ZDHHC2: variants seen among roughly 807,000 people sequenced by gnomAD.
The protein encoded by ZDHHC2 is palmitoyltransferase ZDHHC2.
Under a neutral mutation model 55.6 loss-of-function variants are expected in ZDHHC2, and 51 were observed. The ratio of observed to expected loss-of-function variants is 0.92; its 90% CI spans 0.73 to 1.16. The LOEUF is 1.16. Among genes scored for constraint, ZDHHC2 ranks in the 50% most tolerant of loss-of-function variants. The pLI is 0.00. For synonymous variants in ZDHHC2, 199 were observed against 152.9 expected (o/e 1.30, Z -2.22); for missense variants, 491 against 442.4 (o/e 1.11, Z -0.99).
Position 17,156,868 on chromosome 8 carries a change from C to T in ZDHHC2, c.130+15C>T, listed in dbSNP as rs1192085883. Reference sequence around the variant, plus strand: ...GCTGTGCATAGGTGAGTGCGCCCCCCGCCGCGGCGCCCCCAGCGCAGCGCA... The same window carrying T: ...GCTGTGCATAGGTGAGTGCGCCCCCTGCCGCGGCGCCCCCAGCGCAGCGCA... On this transcript the variant is annotated intron_variant, in intron 1 of 12. Coordinates refer to ENST00000262096, the MANE Select transcript of ZDHHC2 (RefSeq NM_016353.5). 2.4e-5 allele frequency: 35 copies of T among 1,487,796 alleles called. No individual in the cohort carries two copies. Among genetic ancestry groups the T allele is most frequent in the South Asian group, 3.8e-5 (3 of 78,928 alleles). 92.2% of individuals were successfully genotyped at this position (1,487,796 alleles called of 1,614,324 possible). A position where few individuals can be genotyped will look rare whatever the true frequency, so the allele number is the denominator to read the frequency against.
chr8:17,174,226 C>A (rs1017108283), intron 1 of ZDHHC2, among the ~76,000 whole-genome samples: 2 of 151,704 alleles, frequency 1.3e-5, no homozygotes, highest in Non-Finnish European at 2.9e-5. Flanking sequence ...GTAGCTGGGA[C>A]CACAGGTGCA....
rs750043279 is a variant in ZDHHC2, at chr8:17,195,509, T to C, written c.258T>C (p.His86=). ...GATTTAAATGTATTCCACAGTTCCATCTCTCTTATGCAGAGAAAGATTTGT... is the reference window on the plus strand; with the variant it reads ...GATTTAAATGTATTCCACAGTTCCACCTCTCTTATGCAGAGAAAGATTTGT... ...TLPMNPSKEF[H]LSYAEKDLLE... The change falls in exon 4 of 13, where the codon CAT becomes CAC. Residue 86 remains histidine (H), a synonymous_variant. Coordinates refer to ENST00000262096, the MANE Select transcript of ZDHHC2 (RefSeq NM_016353.5). The C allele has an allele frequency of 6.2e-7, 1 of 1,612,916 alleles. No homozygotes were observed. The highest frequency in any genetic ancestry group is 1.1e-5 in the South Asian group (1 of 90,944).
chr8:17,196,801 C>G (rs772794785), intron 4 of ZDHHC2, among the ~76,000 whole-genome samples: 6 of 151,666 alleles, frequency 4.0e-5, no homozygotes, highest in Non-Finnish European at 7.4e-5. Flanking sequence ...AGCTACTCAG[C>G]TCAGGAGGCT....
intron 1 of ZDHHC2, among the ~76,000 whole-genome samples, chr8:17,169,918 C>T (rs1157500773): frequency 1.3e-5 from 2 of 151,978 alleles, no homozygotes; most frequent in East Asian, 1.9e-4. Flanking sequence ...ACAGGTGGTA[C>T]TTGTATAATA....
chr8:17,172,547 T>G (rs1206197742), intron 1 of ZDHHC2, among the ~76,000 whole-genome samples: 1 of 152,314 alleles, frequency 6.6e-6, no homozygotes, highest in East Asian at 1.9e-4. Context: ...TACGGTATTA[T>G]GCACTTACAG....
In ZDHHC2 at chr8:17,212,585, A is replaced by T. The variant is rs539524021; in HGVS notation, c.950+2105A>T. On this transcript the variant is annotated intron_variant, in intron 10 of 12. Coordinates refer to ENST00000262096, the MANE Select transcript of ZDHHC2 (RefSeq NM_016353.5). ...CCTCCAAGGCAGCTTTCCTGGTCCT[A>T]GCCCTCATCCCTGCTCCCATGGATT... Among the ~76,000 whole-genome samples, 6 of 152,276 alleles carry T rather than the reference A, an allele frequency of 3.9e-5. No individual in the cohort carries two copies. The South Asian group carries it at 1.2e-3, about 32-fold the overall frequency.
At chr8:17,191,986 T>G (rs888383469) in intron 3 of ZDHHC2, among the ~76,000 whole-genome samples, 1 of 152,120 alleles carries the variant, frequency 6.6e-6, no homozygotes, top group East Asian at 1.9e-4. Flanking sequence ...TTTATTTTAC[T>G]TTATTGGTAT....
rs557004476 is a variant in ZDHHC2, at chr8:17,193,276, C to T, written c.253-2228C>T. ...AATCCCAGTAATACTGTGGTTCTTA[C>T]AGACTGGTAGATGTGTACTGCCTTG... is the stretch of plus-strand genomic sequence containing the variant. On this transcript the variant is annotated intron_variant, in intron 3 of 12. Transcript: ENST00000262096. Among the ~76,000 whole-genome samples the T allele has an allele frequency of 4.6e-5, 7 of 152,284 alleles. No homozygotes were observed. The South Asian group carries it at 1.0e-3, about 23-fold the overall frequency.
At chr8:17,215,585 A>T (rs570970093) in intron 11 of ZDHHC2, among the ~76,000 whole-genome samples, 16 of 152,340 alleles carry the variant, frequency 1.1e-4, no homozygotes, top group Admixed American at 4.6e-4. Context: ...TGTTTAAAGA[A>T]CCAAATCTTT....
chr8:17,196,379 GA>G (rs947349623), intron 4 of ZDHHC2, among the ~76,000 whole-genome samples: 1 of 151,908 alleles, frequency 6.6e-6, no homozygotes, highest in Non-Finnish European at 1.5e-5. Context: ...GACTTAGTAT[GA>G]AAAATATATA....
intron 3 of ZDHHC2, among the ~76,000 whole-genome samples, chr8:17,191,353 T>A (rs965197216): frequency 2.6e-4 from 39 of 152,318 alleles, no homozygotes; most frequent in Middle Eastern, 3.4e-3. Flanking sequence ...CGCCTTGGCC[T>A]CCCAAAGTGC....
At chr8:17,161,406 A>G (rs1417236825) in intron 1 of ZDHHC2, among the ~76,000 whole-genome samples, 1 of 152,242 alleles carries the variant, frequency 6.6e-6, no homozygotes, top group Non-Finnish European at 1.5e-5. Flanking sequence ...TTGGGAATAC[A>G]GATGTTCTAT....
intron 6 of ZDHHC2, among the ~76,000 whole-genome samples, chr8:17,199,603 T>TCG (rs1806607625): frequency 3.6e-5 from 2 of 55,700 alleles, no homozygotes; most frequent in Non-Finnish European, 1.1e-4. Flanking sequence ...TTCTTCTTTA[T>TCG]TCTTTCTTCT....
chr8:17,186,610 C>G (rs1805724087), intron 3 of ZDHHC2, among the ~76,000 whole-genome samples, 185 bp downstream of exon 3: 1 of 151,994 alleles, frequency 6.6e-6, no homozygotes, highest in South Asian at 2.1e-4. Flanking sequence ...GTGTTTTCAC[C>G]AGATAAGCAC....
chr8:17,217,008 C>T (rs1454501337), intron 11 of ZDHHC2, among the ~76,000 whole-genome samples, 164 bp from the exon 12 acceptor site: 2 of 151,932 alleles, frequency 1.3e-5, no homozygotes, highest in African/African-American at 2.4e-5. Flanking sequence ...CACTGTATAA[C>T]GGGTGTGTGT....
chr8:17,166,063 A>G lies in ZDHHC2; in HGVS notation c.130+9210A>G, dbSNP rs1354596879. ...CATGGAGGGCCTCAGGCCAGAGGCC[A>G]CTGTGAGGACTTCGGTTTTACTTGG... is the stretch of plus-strand genomic sequence containing the variant. On this transcript the variant is annotated intron_variant, in intron 1 of 12. Transcript: ENST00000262096. Among the ~76,000 whole-genome samples, 7 of 152,322 alleles carry G rather than the reference A, an allele frequency of 4.6e-5. No homozygotes were observed. The South Asian group carries it at 8.3e-4, about 18-fold the overall frequency.
intron 1 of ZDHHC2, among the ~76,000 whole-genome samples, chr8:17,177,441 A>C (rs1026610148): frequency 5.3e-5 from 8 of 152,232 alleles, no homozygotes; most frequent in Non-Finnish European, 1.0e-4. Context: ...AAGATATTAA[A>C]GCATAAAGTA....
chr8:17,197,859 G>A (rs1806401959), intron 5 of ZDHHC2, among the ~76,000 whole-genome samples: 1 of 152,166 alleles, frequency 6.6e-6, no homozygotes, highest in Non-Finnish European at 1.5e-5. Flanking sequence ...CCAGATTCAC[G>A]GTGCCCTGAA....
At chr8:17,172,686 T>G (rs1177475470) in intron 1 of ZDHHC2, among the ~76,000 whole-genome samples, 2 of 152,164 alleles carry the variant, frequency 1.3e-5, no homozygotes, top group Admixed American at 1.3e-4. Flanking sequence ...CCAGGAGAGA[T>G]CCATATTCTG....
Sources: allele counts gnomAD v4.1 joint callset (sites outside exome capture counted in the v4.1 genomes callset), GRCh38; gene constraint gnomAD v4.1.1; transcripts MANE v1.5; gene names NCBI Gene and HGNC (gene_info 2026-07-23, HGNC 2026-07-21).